C10orf88: variants seen among roughly 807,000 people sequenced by gnomAD.
C10orf88 encodes chromosome 10 open reading frame 88.
In C10orf88, 29 loss-of-function variants were observed where a neutral mutation model predicts 34.2. That is an observed-to-expected ratio of 0.85 (90% CI 0.63 to 1.16). The LOEUF (loss-of-function observed/expected upper bound fraction) is 1.16, where lower values mean the gene tolerates loss of function less well. Among genes scored for constraint, C10orf88 ranks in the 50% most tolerant of loss-of-function variants. The probability of loss-of-function intolerance (pLI) is 0.00; values close to 1 mark genes in which losing one functional copy is unlikely to be tolerated. For missense variants in C10orf88, 507 were observed against 533.2 expected (o/e 0.95, Z 0.48); for synonymous variants, 194 against 197.4 (o/e 0.98, Z 0.15).
rs368633806 is a variant in C10orf88, at chr10:122,936,173, T to C, written c.1103+1532A>G. ...ATTTTATTACTTATTTCATGTTGGC[T>C]GAGTTTGGTTGGTAGTTTGTGGTTT... On this transcript the variant is annotated intron_variant, in intron 5 of 5. Transcript: ENST00000481909. Among the ~76,000 whole-genome samples the C allele has an allele frequency of 6.6e-5, 10 of 152,064 alleles. No homozygotes were observed. The East Asian group carries it at 1.7e-3, about 26-fold the overall frequency.
chr10:122,938,281 T>C lies in C10orf88; in HGVS notation c.649-122A>G, dbSNP rs1848553201. 4 of 844,794 alleles carry C rather than the reference T, an allele frequency of 4.7e-6. No homozygotes were observed. The Admixed American group carries it at 1.1e-4, about 23-fold the overall frequency. 52.3% of individuals were successfully genotyped at this position (844,794 alleles called of 1,614,324 possible). A position where few individuals can be genotyped will look rare whatever the true frequency, so the allele number is the denominator to read the frequency against. ...CAATCCTCAAAACATCCTTATAAAGTAGGCCACTAATACTATCCCAATATT... is the reference window on the plus strand; with the variant it reads ...CAATCCTCAAAACATCCTTATAAAGCAGGCCACTAATACTATCCCAATATT... On this transcript the variant is annotated intron_variant, in intron 4 of 5. Transcript: ENST00000481909.
At chr10:122,932,704 C>G in intron 5 of C10orf88, 43 bp from the exon 6 acceptor site, 1 of 1,315,392 alleles carries the variant, frequency 7.6e-7, no homozygotes, top group Non-Finnish European at 1.0e-6. Flanking sequence ...TCCCTAATAA[C>G]AAAAACAACC....
chr10:122,953,979 G>C (rs1279253363), intron 1 of C10orf88, 36 bp downstream of exon 1: 11 of 1,482,964 alleles, frequency 7.4e-6, no homozygotes, highest in Non-Finnish European at 9.8e-6. Flanking sequence ...GGCAGTTGCC[G>C]AGCATAGCGA....
intron 3 of C10orf88, among the ~76,000 whole-genome samples, chr10:122,949,363 C>G (rs1325889805): frequency 6.6e-6 from 1 of 152,182 alleles, no homozygotes. Context: ...CTAAATCTTA[C>G]TGTGCAATAC....
chr10:122,937,772 G>A lies in C10orf88; in HGVS notation c.1036C>T (p.His346Tyr). ...TGACACTCGGTCTTATTTCCCACAT[G>A]GAGATGATTAACTTGACTACATAAA... ...QNLCSQVNHL[H>Y]VGNKTECQEN... Residue 346 changes from histidine (H) to tyrosine (Y), a missense_variant, in exon 5 of 6, where the codon CAT (histidine) becomes TAT (tyrosine). Transcript: ENST00000481909. The A allele has an allele frequency of 6.2e-7, 1 of 1,613,108 alleles. No individual in the cohort carries two copies. The highest frequency in any genetic ancestry group is 8.5e-7 in the Non-Finnish European group (1 of 1,179,326).
At chr10:122,948,181 T>C (rs189316990) in intron 4 of C10orf88, among the ~76,000 whole-genome samples, 9 of 152,340 alleles carry the variant, frequency 5.9e-5, no homozygotes, top group East Asian at 3.9e-4. Flanking sequence ...TCTTCTAGCA[T>C]TGAAGATTTT....
At chr10:122,953,055 C>T in intron 1 of C10orf88, 23 bp from the exon 2 acceptor site, 2 of 1,547,826 alleles carry the variant, frequency 1.3e-6, no homozygotes, top group Non-Finnish European at 1.8e-6. Flanking sequence ...TTGGTGAAAA[C>T]ATCACACAGT....
At chr10:122,946,195 T>G (rs1476344964) in intron 4 of C10orf88, among the ~76,000 whole-genome samples, 1 of 152,156 alleles carries the variant, frequency 6.6e-6, no homozygotes, top group Non-Finnish European at 1.5e-5. Context: ...ATGTGCAGTG[T>G]TTATAAAGTC....
intron 4 of C10orf88, among the ~76,000 whole-genome samples, chr10:122,942,583 T>G (rs1457961841): frequency 6.7e-6 from 1 of 150,106 alleles, no homozygotes; most frequent in Non-Finnish European, 1.5e-5. Context: ...GAAGTCAAAT[T>G]GTCCCTGTTT....
At position 122,932,353 on chromosome 10, in the gene C10orf88, A is replaced by C; in HGVS notation, c.*74T>G. ...AAAGGACATTAAATACTTGCTTTTT[A>C]TAAATATTTTTGGGTTTTGGCTTTG... On this transcript the variant is annotated 3_prime_UTR_variant, in exon 6 of 6. Transcript: ENST00000481909. 1 of 1,247,370 alleles carries C rather than the reference A, an allele frequency of 8.0e-7. No homozygotes were observed. The highest frequency in any genetic ancestry group is 1.1e-6 in the Non-Finnish European group (1 of 897,600). 77.3% of individuals were successfully genotyped at this position (1,247,370 alleles called of 1,614,324 possible).
chr10:122,931,445 A>C lies in C10orf88; in HGVS notation c.*982T>G, dbSNP rs1848484016. 1 of 152,174 alleles carries C rather than the reference A, an allele frequency of 6.6e-6. No homozygotes were observed. The highest frequency in any genetic ancestry group is 1.5e-5 in the Non-Finnish European group (1 of 68,006). 9.4% of individuals were successfully genotyped at this position (152,174 alleles called of 1,614,324 possible). On this transcript the variant is annotated 3_prime_UTR_variant, in exon 6 of 6. Coordinates refer to ENST00000481909, the MANE Select transcript of C10orf88 (RefSeq NM_024942.4). ...AGTATGAGATACCCTTTTTCTAAAA[A>C]ATAAGACATTTGAAGTAAAGATTAG...
Position 122,952,835 on chromosome 10 carries a change from T to C in C10orf88, c.362A>G (p.Asp121Gly), listed in dbSNP as rs1161382150. Residue 121 changes from aspartate (D) to glycine (G), a missense_variant, in exon 2 of 6, where the codon GAT (aspartate) becomes GGT (glycine). Coordinates refer to ENST00000481909, the MANE Select transcript of C10orf88 (RefSeq NM_024942.4). ...SRGKNVCTVL[D>G]DSEHEKIILY... Reference sequence around the variant, plus strand: ...CCGTGTACAAGTCACACACCTGTCATCCAGGACAGTACAAACATTCTTGCC... The same window carrying C: ...CCGTGTACAAGTCACACACCTGTCACCCAGGACAGTACAAACATTCTTGCC... 2 of 1,614,104 alleles carry C rather than the reference T, an allele frequency of 1.2e-6. No individual in the cohort carries two copies. Among genetic ancestry groups the C allele is most frequent in the South Asian group, 2.2e-5 (2 of 91,090 alleles).
At position 122,931,439 on chromosome 10, in the gene C10orf88, C is replaced by A. The variant is rs1848483992; in HGVS notation, c.*988G>T. On this transcript the variant is annotated 3_prime_UTR_variant, in exon 6 of 6. Transcript: ENST00000481909. ...TAAATGAGTATGAGATACCCTTTTTCTAAAAAATAAGACATTTGAAGTAAA... is the reference window on the plus strand; with the variant it reads ...TAAATGAGTATGAGATACCCTTTTTATAAAAAATAAGACATTTGAAGTAAA... 1 of 151,844 alleles carries A rather than the reference C, an allele frequency of 6.6e-6. No homozygotes were observed. The highest frequency in any genetic ancestry group is 1.5e-5 in the Non-Finnish European group (1 of 67,910). 9.4% of individuals were successfully genotyped at this position (151,844 alleles called of 1,614,324 possible).
rs774773145 is a variant in C10orf88, at chr10:122,940,335, C to A, written c.649-2176G>T. On this transcript the variant is annotated intron_variant, in intron 4 of 5. Coordinates refer to ENST00000481909, the MANE Select transcript of C10orf88 (RefSeq NM_024942.4). ...CAGAAGAATAAATAATGGATGATTC[C>A]ATTAACATGACATATCTAAAATAGT... 3.9e-5 allele frequency among the ~76,000 whole-genome samples: 6 copies of A among 152,000 alleles called. No homozygotes were observed. In the East Asian group the frequency reaches 1.2e-3, roughly 29 times the overall value.
At chr10:122,944,890 C>T (rs1848623707) in intron 4 of C10orf88, among the ~76,000 whole-genome samples, 1 of 151,402 alleles carries the variant, frequency 6.6e-6, no homozygotes, top group Non-Finnish European at 1.5e-5. Context: ...CCAGTTACTA[C>T]CTAATCCCTC....
At chr10:122,940,129 G>T (rs1014632774) in intron 4 of C10orf88, among the ~76,000 whole-genome samples, 1 of 151,786 alleles carries the variant, frequency 6.6e-6, no homozygotes. Flanking sequence ...ACTCACAACC[G>T]CCAAGATACA....
chr10:122,944,674 A>C (rs2133333466), intron 4 of C10orf88, among the ~76,000 whole-genome samples: 1 of 152,288 alleles, frequency 6.6e-6, no homozygotes, highest in African/African-American at 2.4e-5. Flanking sequence ...GACCTTCCAA[A>C]GGATTCTGAC....
chr10:122,936,844 T>C (rs1848537804), intron 5 of C10orf88, among the ~76,000 whole-genome samples: 1 of 152,028 alleles, frequency 6.6e-6, no homozygotes, highest in African/African-American at 2.4e-5. Flanking sequence ...ACACACATTG[T>C]ATTATTTCAA....
rs748534544 is a variant in C10orf88, at chr10:122,954,060, G to A, written c.119C>T (p.Pro40Leu). ...CAGCTCCTCCCAGTCGAAGTCACCG[G>A]GGCCGAGACCGGCCCGGGTGAGGAG... ...SLLLTRAGLG[P>L]GDFDWEELLA... Residue 40 changes from proline to leucine, a missense_variant, in exon 1 of 6, where the codon CCC (proline) becomes CTC (leucine). Transcript: ENST00000481909. 2 of 1,547,004 alleles carry A rather than the reference G, an allele frequency of 1.3e-6. No individual in the cohort carries two copies. Among genetic ancestry groups the A allele is most frequent in the Non-Finnish European group, 1.7e-6 (2 of 1,149,512 alleles).
Sources: allele counts gnomAD v4.1 joint callset (sites outside exome capture counted in the v4.1 genomes callset), GRCh38; gene constraint gnomAD v4.1.1; transcripts MANE v1.5; gene names NCBI Gene and HGNC (gene_info 2026-07-23, HGNC 2026-07-21).